Variants in SAMM50 observed in about 807,000 individuals in gnomAD.
SAMM50 encodes sorting and assembly machinery component 50 homolog.
A neutral mutation model predicts 66.9 loss-of-function variants in SAMM50; 47 were observed. That is an observed-to-expected ratio of 0.70 (90% confidence interval 0.56 to 0.90). The LOEUF (loss-of-function observed/expected upper bound fraction) is 0.90, where lower values mean the gene tolerates loss of function less well. Ranked by LOEUF, SAMM50 falls within the 40% of genes least tolerant of loss-of-function variation. SAMM50 has a pLI of 0.00. For missense variants in SAMM50, 535 were observed against 595.3 expected, an observed-to-expected ratio of 0.90 and a Z score of 1.05; for synonymous variants, 191 against 214.1, an observed-to-expected ratio of 0.89 and a Z score of 0.94.
At position 43,955,615 on chromosome 22, in the gene SAMM50, C is replaced by G; in HGVS notation, c.21+17C>G. The G allele has an allele frequency of 6.3e-7, 1 of 1,585,810 alleles. No homozygotes were observed. On this transcript the variant is annotated intron_variant, in intron 1 of 14. Transcript: ENST00000350028. ...CACGCCCGGGTAAGAGGCCCAGCGA[C>G]CCGCGGGCTGCGAGGCCTCTGGGCC...
chr22:43,983,879 A>G lies in SAMM50; in HGVS notation c.1008-54A>G. 7.9e-7 allele frequency: 1 copy of G among 1,272,700 alleles called. No individual in the cohort carries two copies. The highest frequency in any genetic ancestry group is 1.1e-6 in the Non-Finnish European group (1 of 889,562). The allele number at this position is 1,272,700 out of a possible 1,614,324, so 78.8% of individuals were successfully genotyped here. A position where few individuals can be genotyped will look rare whatever the true frequency, so the allele number is the denominator to read the frequency against. Reference sequence around the variant, plus strand: ...GTGTTTCCTACGCGTTCCGTGTGTCATGTCGTTTCTCACCTCCTGACTTTC... The same window carrying G: ...GTGTTTCCTACGCGTTCCGTGTGTCGTGTCGTTTCTCACCTCCTGACTTTC... On this transcript the variant is annotated intron_variant, in intron 11 of 14. Coordinates refer to ENST00000350028, the MANE Select transcript of SAMM50 (RefSeq NM_015380.5). This position sits in a 1 kb window ranked among gnomAD's most constrained non-coding sequence, Gnocchi z 4.2.
chr22:43,959,452 C>T (rs570929247), intron 1 of SAMM50, among the ~76,000 whole-genome samples: 151 of 147,826 alleles, frequency 1.0e-3, no homozygotes, highest in Admixed American at 2.4e-3. Flanking sequence ...ACTGGTAGAC[C>T]GATCTGCTTA....
chr22:43,962,429 C>G (rs1022125358), intron 1 of SAMM50, among the ~76,000 whole-genome samples: 3 of 152,200 alleles, frequency 2.0e-5, no homozygotes, highest in Non-Finnish European at 2.9e-5. Context: ...TAGATAGATA[C>G]AATGTCTTCC....
intron 3 of SAMM50, among the ~76,000 whole-genome samples, chr22:43,968,226 C>CA (rs66961907): frequency 0.01 from 702 of 68,484 alleles, 4 homozygotes; most frequent in African/African-American, 0.022. Context: ...AACTCTGTCT[C>CA]AAAAAAAAAA....
At position 43,963,358 on chromosome 22, in the gene SAMM50, G is replaced by T; in HGVS notation, c.94G>T (p.Glu32Ter). Residue 32 changes from glutamate to a stop codon, truncating the protein, a stop_gained, in exon 2 of 15, where the codon GAG becomes TAG. Transcript: ENST00000350028. LOFTEE classifies it high-confidence loss of function. Reference sequence around the variant, plus strand: ...AGAAGAAGCTGAATTTGTTGAAGTTGAGCCTGAAGCTAAACAGGAAATTCT... The same window carrying T: ...AGAAGAAGCTGAATTTGTTGAAGTTTAGCCTGAAGCTAAACAGGAAATTCT... ...LGEEAEFVEV[E>*]PEAKQEILEN... 6.2e-7 allele frequency: 1 copy of T among 1,612,998 alleles called. No homozygotes were observed. Among genetic ancestry groups the T allele is most frequent in the Non-Finnish European group, 8.5e-7 (1 of 1,179,626 alleles).
In SAMM50 at chr22:43,955,563, G is replaced by T. The variant is rs770810805; in HGVS notation, c.-15G>T. On this transcript the variant is annotated 5_prime_UTR_variant, in exon 1 of 15. Coordinates refer to ENST00000350028, the MANE Select transcript of SAMM50 (RefSeq NM_015380.5). ...GCCCGGGCAGCTCTGCGAGGCAGCG[G>T]CTGGAGAGGGAACCATGGGGACTGT... 2.7e-5 allele frequency: 43 copies of T among 1,600,256 alleles called. No individual in the cohort carries two copies. The Middle Eastern group carries it at 8.3e-4, about 31-fold the overall frequency.
intron 14 of SAMM50, among the ~76,000 whole-genome samples, chr22:43,991,114 T>A (rs2050322503): frequency 6.6e-6 from 1 of 151,438 alleles, no homozygotes; most frequent in South Asian, 2.1e-4. Context: ...GTAGTTGGGA[T>A]TACAGGCATG....
At chr22:43,986,046 T>TC (rs34154419) in intron 12 of SAMM50, among the ~76,000 whole-genome samples, 38,063 of 119,526 alleles carry the variant, frequency 0.32, 5,440 homozygotes, top group African/African-American at 0.47. Context: ...TTTCTTTCTT[T>TC]TTTTTTTTTT....
intron 6 of SAMM50, 83 bp downstream of exon 6, chr22:43,973,084 C>A: frequency 6.6e-7 from 1 of 1,519,206 alleles, no homozygotes; most frequent in Admixed American, 2.0e-5. Context: ...AGAACCATGA[C>A]AGAATCAGCT....
chr22:43,987,520 C>T (rs6006602), intron 12 of SAMM50: 72,214 of 152,074 alleles, frequency 0.47, 17,882 homozygotes, highest in African/African-American at 0.62. Flanking sequence ...GGTATGGGCA[C>T]CAGGTGGTGG....
chr22:43,989,337 G>GTATT, intron 13 of SAMM50, 80 bp downstream of exon 13: 2 of 1,032,822 alleles, frequency 1.9e-6, no homozygotes, highest in Non-Finnish European at 2.6e-6. Flanking sequence ...AGAGGTGTCT[G>GTATT]TCTTTTTTTT....
intron 1 of SAMM50, chr22:43,957,285 C>T: frequency 1.5e-6 from 1 of 656,568 alleles, no homozygotes; most frequent in Non-Finnish European, 2.8e-6. Context: ...AATTCTGAAG[C>T]AATCTTCCTG....
chr22:43,964,474 T>C lies in SAMM50; in HGVS notation c.155T>C (p.Phe52Ser). The change falls in exon 3 of 15, where the codon TTT becomes TCT. Residue 52 changes from phenylalanine to serine, a missense_variant. Coordinates refer to ENST00000350028, the MANE Select transcript of SAMM50 (RefSeq NM_015380.5). Reference protein sequence around the residue: ...NKDVVVQHVHFDGLGRTKDDI... With the variant: ...NKDVVVQHVHSDGLGRTKDDI... ...TAGGTGGTTGTTCAACATGTTCATT[T>C]TGATGGACTTGGAAGGACTAAAGAT... 1 of 1,610,562 alleles carries C rather than the reference T, an allele frequency of 6.2e-7. No individual in the cohort carries two copies. The highest frequency in any genetic ancestry group is 8.5e-7 in the Non-Finnish European group (1 of 1,176,828).
At chr22:43,957,841 C>T (rs1232289988) in intron 1 of SAMM50, among the ~76,000 whole-genome samples, 1 of 152,214 alleles carries the variant, frequency 6.6e-6, no homozygotes, top group Non-Finnish European at 1.5e-5. Context: ...TCACTGCAAG[C>T]TCCACCTCCC....
At position 43,990,116 on chromosome 22, in the gene SAMM50, C is replaced by G. The variant is rs1460034463; in HGVS notation, c.1223-149C>G. The G allele has an allele frequency of 3.6e-6, 3 of 827,432 alleles. No homozygotes were observed. In the African/African-American group the frequency reaches 5.2e-5, roughly 14 times the overall value. 51.3% of individuals were successfully genotyped at this position (827,432 alleles called of 1,614,324 possible). ...GTCCTCTCTTGACCTGGGTCCTAAT[C>G]TCACTTCATGCATCCTCCCTAATCT... On this transcript the variant is annotated intron_variant, in intron 13 of 14. Coordinates refer to ENST00000350028, the MANE Select transcript of SAMM50 (RefSeq NM_015380.5).
At chr22:43,958,671 G>T (rs1385906205) in intron 1 of SAMM50, among the ~76,000 whole-genome samples, 1 of 151,880 alleles carries the variant, frequency 6.6e-6, no homozygotes, top group Non-Finnish European at 1.5e-5. Flanking sequence ...TAGAGACAGG[G>T]TTTTGCCATG....
At chr22:43,973,950 C>A (rs2050217802) in intron 7 of SAMM50, among the ~76,000 whole-genome samples, 1 of 152,076 alleles carries the variant, frequency 6.6e-6, no homozygotes, top group South Asian at 2.1e-4. Flanking sequence ...TAAGTTTACA[C>A]CTAGAAGGGT....
In SAMM50 at chr22:43,983,469, GA is replaced by G. The variant is rs1226033273; in HGVS notation, c.1008-462del. 2.0e-5 allele frequency among the ~76,000 whole-genome samples: 3 copies of G among 152,154 alleles called. No individual in the cohort carries two copies. Among genetic ancestry groups the G allele is most frequent in the African/African-American group, 7.2e-5 (3 of 41,440 alleles). ...TATTTAAAAATTATAAACCTAACAAGAATTCTTTTTTGGTCTGTTTCTAGTA... is the reference window on the plus strand; with the variant it reads ...TATTTAAAAATTATAAACCTAACAAGATTCTTTTTTGGTCTGTTTCTAGTA... On this transcript the variant is annotated intron_variant, in intron 11 of 14. Transcript: ENST00000350028. The surrounding 1 kb of genome is among the most constrained non-coding windows in gnomAD (Gnocchi z 4.2).
rs2050278169 is a variant in SAMM50, at chr22:43,983,997, GA to G, written c.1074del (p.Gly359GlufsTer4). The G allele has an allele frequency of 1.9e-6, 3 of 1,610,898 alleles. No individual in the cohort carries two copies. The highest frequency in any genetic ancestry group is 2.5e-6 in the Non-Finnish European group (3 of 1,178,738). On this transcript the variant is annotated frameshift_variant and splice_region_variant, in exon 12 of 15. Coordinates refer to ENST00000350028, the MANE Select transcript of SAMM50 (RefSeq NM_015380.5). LOFTEE classifies it high-confidence loss of function. This position sits in a 1 kb window ranked among gnomAD's most constrained non-coding sequence, Gnocchi z 4.2. The stretch of plus-strand genomic sequence containing the variant: ...CATGCACAGCATCGGGCCACAGAGC[GA>G]AGGTCTGTCCTTTCCCCTCACGGCG... ...FSMHSIGPQS[E>X]GDYLGGEAYW...
Sources: allele counts gnomAD v4.1 joint callset (sites outside exome capture counted in the v4.1 genomes callset), GRCh38; gene constraint gnomAD v4.1.1; non-coding constraint Gnocchi (gnomAD v3.1); transcripts MANE v1.5; gene names NCBI Gene and HGNC (gene_info 2026-07-23, HGNC 2026-07-21).